The following HAO2 variants were observed in gnomAD, a reference collection of about 807,000 sequenced individuals.
The protein encoded by HAO2 is 2-Hydroxyacid oxidase 2.
In HAO2, 42 loss-of-function variants were observed where a neutral mutation model predicts 37.4. That is an observed-to-expected ratio of 1.12 (90% CI 0.88 to 1.45). The LOEUF is 1.45. Among genes scored for constraint, HAO2 ranks in the 40% most tolerant of loss-of-function variants. HAO2 has a pLI of 0.00. For missense variants in HAO2, 476 were observed against 430.2 expected (o/e 1.11, Z -0.94); for synonymous variants, 180 against 162.8 (o/e 1.11, Z -0.81).
At chr1:119,371,075 C>G (rs1243633179) in intron 1 of HAO2, among the ~76,000 whole-genome samples, 2 of 152,186 alleles carry the variant, frequency 1.3e-5, no homozygotes, top group Non-Finnish European at 2.9e-5. Flanking sequence ...TCCCAATGGC[C>G]TGGATTTTGT....
chr1:119,392,772 C>G, intron 7 of HAO2, 85 bp downstream of exon 7: 2 of 860,588 alleles, frequency 2.3e-6, no homozygotes, highest in Non-Finnish European at 4.1e-6. Context: ...CTAGCAGACC[C>G]TTTCCTGATG....
chr1:119,393,952 G>T lies in HAO2; in HGVS notation c.*112G>T. 1 of 1,571,126 alleles carries T rather than the reference G, an allele frequency of 6.4e-7. No homozygotes were observed. The highest frequency in any genetic ancestry group is 8.7e-7 in the Non-Finnish European group (1 of 1,151,570). ...GACCCCATTCTGTCCGGAGGCTCAT[G>T]GCCCATATTTCCCACATTTCTAATA... On this transcript the variant is annotated 3_prime_UTR_variant, in exon 8 of 8. Transcript: ENST00000325945.
chr1:119,386,452 C>T (rs1000785565), intron 4 of HAO2, among the ~76,000 whole-genome samples, 170 bp from the exon 5 acceptor site: 4 of 152,126 alleles, frequency 2.6e-5, no homozygotes, highest in Non-Finnish European at 4.4e-5. Flanking sequence ...AAGATCCTTC[C>T]GCCTCAGCCC....
intron 1 of HAO2, chr1:119,370,373 C>T (rs1648883190): frequency 6.6e-6 from 1 of 152,186 alleles, no homozygotes; most frequent in Admixed American, 6.5e-5. Context: ...TATACTATGA[C>T]AGAAATACTC....
chr1:119,386,481 C>A, intron 4 of HAO2, 141 bp from the exon 5 acceptor site: 1 of 629,206 alleles, frequency 1.6e-6, no homozygotes, highest in Non-Finnish European at 2.8e-6. Context: ...GCTGGGATTA[C>A]AGGCATGAGC....
intron 1 of HAO2, among the ~76,000 whole-genome samples, chr1:119,379,024 A>C (rs587751942): frequency 1.9e-4 from 29 of 152,324 alleles, no homozygotes; most frequent in African/African-American, 7.0e-4. Flanking sequence ...GAAAGGATGC[A>C]AAGCAAACTT....
At chr1:119,369,241 T>G (rs1406617372) in intron 1 of HAO2, among the ~76,000 whole-genome samples, 1 of 152,202 alleles carries the variant, frequency 6.6e-6, no homozygotes, top group Admixed American at 6.5e-5. Context: ...GCTATTGCCT[T>G]CAGGGATATA....
At chr1:119,384,747 C>A in intron 3 of HAO2, 29 bp from the exon 4 acceptor site, 2 of 1,606,672 alleles carry the variant, frequency 1.2e-6, no homozygotes, top group South Asian at 2.2e-5. Context: ...CTCTGCCCTC[C>A]AGCCTGAGTC....
chr1:119,370,908 A>G (rs1312176283), intron 1 of HAO2, among the ~76,000 whole-genome samples: 2 of 152,166 alleles, frequency 1.3e-5, no homozygotes, highest in Admixed American at 1.3e-4. Context: ...AGATATAGGT[A>G]CACCTGCAAG....
intron 5 of HAO2, among the ~76,000 whole-genome samples, chr1:119,391,470 A>G (rs925240200): frequency 6.6e-6 from 1 of 152,222 alleles, no homozygotes; most frequent in Non-Finnish European, 1.5e-5. Context: ...CCTTAGGAAA[A>G]TCAGGCCAAG....
Position 119,384,794 on chromosome 1 carries a change from T to A in HAO2, c.302T>A (p.Ile101Asn). Residue 101 changes from isoleucine to asparagine, a missense_variant, in exon 4 of 8, where the codon ATC (isoleucine) becomes AAC (asparagine). Physicochemically the swap from Ile to Asn is moderately radical, Grantham distance 149. Coordinates refer to ENST00000325945, the MANE Select transcript of HAO2 (RefSeq NM_016527.4). ...STARAAQAAGICYITSTFASC... is the reference protein window; with the variant it reads ...STARAAQAAGNCYITSTFASC... ...TTTACAGCTGCCCAAGCGGCTGGTA[T>A]CTGCTACATCACCAGCACATTTGCC... 6.2e-7 allele frequency: 1 copy of A among 1,613,866 alleles called. No individual in the cohort carries two copies. Among genetic ancestry groups the A allele is most frequent in the Non-Finnish European group, 8.5e-7 (1 of 1,179,836 alleles).
rs1448977809 is a variant in HAO2 at position 119,392,277 on chromosome 1, G to C, written c.930+9G>C. Reference sequence around the variant, plus strand: ...GGGGCCTTGCCTGCAAGGTGAGAGTGGCAAAGCAAACCAGCAAGAAGATAC... The same window carrying C: ...GGGGCCTTGCCTGCAAGGTGAGAGTCGCAAAGCAAACCAGCAAGAAGATAC... On this transcript the variant is annotated intron_variant, in intron 6 of 7. Coordinates refer to ENST00000325945, the MANE Select transcript of HAO2 (RefSeq NM_016527.4). 6.3e-6 allele frequency: 10 copies of C among 1,599,958 alleles called. No individual in the cohort carries two copies. The highest frequency in any genetic ancestry group is 8.5e-6 in the Non-Finnish European group (10 of 1,172,132).
At chr1:119,373,066 C>T (rs1167120555) in intron 1 of HAO2, among the ~76,000 whole-genome samples, 1 of 152,206 alleles carries the variant, frequency 6.6e-6, no homozygotes, top group Non-Finnish European at 1.5e-5. Context: ...AGACATGTAG[C>T]CTGCCACTGT....
intron 7 of HAO2, 89 bp downstream of exon 7, chr1:119,392,776 C>T (rs1398282425): frequency 3.6e-5 from 30 of 844,246 alleles, no homozygotes; most frequent in Non-Finnish European, 5.8e-5. Context: ...CAGACCCTTT[C>T]CTGATGTGGT....
At chr1:119,392,981 GTC>G (rs1158040838) in intron 7 of HAO2, among the ~76,000 whole-genome samples, 1 of 152,080 alleles carries the variant, frequency 6.6e-6, no homozygotes, top group Non-Finnish European at 1.5e-5. Context: ...TGCTGTTTCT[GTC>G]CACTCCAGTC....
chr1:119,393,351 T>G (rs1477830495), intron 7 of HAO2, among the ~76,000 whole-genome samples: 1 of 152,060 alleles, frequency 6.6e-6, no homozygotes, highest in East Asian at 1.9e-4. Context: ...TAAAGAAGAG[T>G]CTTTTCCTTT....
At chr1:119,385,614 G>A in intron 4 of HAO2, 1 of 985,122 alleles carries the variant, frequency 1.0e-6, no homozygotes, top group Non-Finnish European at 1.2e-6. Flanking sequence ...TGTAATCTCT[G>A]AACTAGGTGA....
intron 4 of HAO2, 129 bp downstream of exon 4, chr1:119,385,182 G>T: frequency 7.0e-7 from 1 of 1,426,642 alleles, no homozygotes; most frequent in East Asian, 2.5e-5. Context: ...AGACACTGCG[G>T]ATAAAGCAGT....
At chr1:119,380,485 C>G (rs1649832279) in intron 1 of HAO2, 3 of 493,922 alleles carry the variant, frequency 6.1e-6, no homozygotes, top group Non-Finnish European at 7.2e-6. Context: ...TTGTCCTTTC[C>G]CCACTCTGTA....
Sources: allele counts gnomAD v4.1 joint callset (sites outside exome capture counted in the v4.1 genomes callset), GRCh38; gene constraint gnomAD v4.1.1; transcripts MANE v1.5; gene names NCBI Gene and HGNC (gene_info 2026-07-23, HGNC 2026-07-21).